C2CD5: variants seen among roughly 807,000 people sequenced by gnomAD.
The protein encoded by C2CD5 is C2 domain-containing protein 5.
In C2CD5, 109 loss-of-function variants were observed where a neutral mutation model predicts 130.3. The ratio of observed to expected loss-of-function variants is 0.84; its 90% CI spans 0.72 to 0.98. C2CD5 has a LOEUF of 0.98. C2CD5 is among the 50% of genes least tolerant of loss of function. The pLI is 0.00. For synonymous variants in C2CD5, 454 were observed against 429.2 expected, an observed-to-expected ratio of 1.06 and a Z score of -0.71; for missense variants, 996 against 1,261.8, an observed-to-expected ratio of 0.79 and a Z score of 3.19.
chr12:22,533,871 T>C (rs923783225), intron 3 of C2CD5, among the ~76,000 whole-genome samples: 3 of 152,210 alleles, frequency 2.0e-5, no homozygotes, highest in African/African-American at 7.2e-5. Flanking sequence ...AATTTCTACA[T>C]GCATGAATTT....
At chr12:22,506,877 G>C (rs1591898388) in intron 9 of C2CD5, 58 bp from the exon 10 acceptor site, 2 of 1,121,834 alleles carry the variant, frequency 1.8e-6, no homozygotes, top group Non-Finnish European at 2.7e-6. Flanking sequence ...TAAAAAATTT[G>C]CTTATTAAAA....
intron 9 of C2CD5, among the ~76,000 whole-genome samples, chr12:22,511,556 G>C (rs944868623): frequency 6.6e-6 from 1 of 152,142 alleles, no homozygotes; most frequent in Non-Finnish European, 1.5e-5. Context: ...GAAAACTATA[G>C]TTCTCTACAC....
rs752330329 is a variant in C2CD5, at chr12:22,518,098, T to C, written c.840A>G (p.Ser280=). 1 of 1,613,732 alleles carries C rather than the reference T, an allele frequency of 6.2e-7. No homozygotes were observed. Among genetic ancestry groups the C allele is most frequent in the Non-Finnish European group, 8.5e-7 (1 of 1,179,692 alleles). Residue 280 remains serine (S), a synonymous_variant, in exon 8 of 27, where the codon TCA becomes TCG. Transcript: ENST00000446597. Reference sequence around the variant, plus strand: ...TTTTCAGAGGGGTTGAGGGTCCTGATGAGTGAGTATTGGGATTGGGATCTT... The same window carrying C: ...TTTTCAGAGGGGTTGAGGGTCCTGACGAGTGAGTATTGGGATTGGGATCTT... ...FNEDPNPNTH[S]SGPSTPLKNQ...
At chr12:22,519,425 T>A (rs564242125) in intron 7 of C2CD5, among the ~76,000 whole-genome samples, 1 of 152,196 alleles carries the variant, frequency 6.6e-6, no homozygotes, top group East Asian at 1.9e-4. Flanking sequence ...GGATACATAG[T>A]TTTAAAGTAT....
At chr12:22,490,280 T>C in intron 11 of C2CD5, 62 bp from the exon 12 acceptor site, 2 of 1,090,772 alleles carry the variant, frequency 1.8e-6, no homozygotes, top group Non-Finnish European at 2.8e-6. Context: ...TGGGAAATGC[T>C]AAATATCAAA....
intron 22 of C2CD5, 124 bp downstream of exon 22, chr12:22,469,585 C>T: frequency 1.9e-6 from 1 of 518,734 alleles, no homozygotes; most frequent in Non-Finnish European, 3.4e-6. Context: ...TATGAAGAAA[C>T]ATATAATGAG....
intron 9 of C2CD5, among the ~76,000 whole-genome samples, chr12:22,507,511 T>A (rs1415732546): frequency 1.3e-5 from 2 of 152,188 alleles, no homozygotes; most frequent in Non-Finnish European, 2.9e-5. Context: ...CTTTATTCTA[T>A]CCTTCTCTCT....
At chr12:22,535,471 AAAGGG>A in intron 2 of C2CD5, 127 bp from the exon 3 acceptor site, 1 of 614,570 alleles carries the variant, frequency 1.6e-6, no homozygotes, top group East Asian at 2.9e-5. Context: ...CCTCTGGGAC[AAAGGG>A]AAGAAGGTAC....
rs776354756 is a variant in C2CD5 at position 22,506,812 on chromosome 12, G to A, written c.1046C>T (p.Pro349Leu). The A allele has an allele frequency of 1.3e-6, 2 of 1,590,016 alleles. No individual in the cohort carries two copies. Among genetic ancestry groups the A allele is most frequent in the Non-Finnish European group, 1.7e-6 (2 of 1,158,192 alleles). Residue 349 changes from proline to leucine, a missense_variant, in exon 10 of 27, where the codon CCA becomes CTA. This residue lies in a region of C2CD5 where 156 missense variants were observed against 165.9 expected (regional missense o/e 0.94). Transcript: ENST00000446597. The stretch of plus-strand genomic sequence containing the variant: ...AGGAAATGCCGTCAAGGTAAAAAAT[G>A]GAAATTCCTAGTGGAAAGAATAAGG... ...TQSALEQREF[P>L]FFTLTAFPPG...
In C2CD5 at chr12:22,506,700, TA is replaced by T. The variant is rs1206931407; in HGVS notation, c.1147+10del. ...AAATAAAGGAAACATTGAAACTTTT[TA>T]AGAACATACCAGGATTGTGGATACG... On this transcript the variant is annotated intron_variant, in intron 10 of 26. Transcript: ENST00000446597. 1 of 1,444,616 alleles carries T rather than the reference TA, an allele frequency of 6.9e-7. No homozygotes were observed. 89.5% of individuals were successfully genotyped at this position (1,444,616 alleles called of 1,614,324 possible).
chr12:22,452,857 A>C (rs1451586854), intron 26 of C2CD5, among the ~76,000 whole-genome samples: 1 of 152,194 alleles, frequency 6.6e-6, no homozygotes, highest in Non-Finnish European at 1.5e-5. Flanking sequence ...GCTTGAGCTC[A>C]GGAGTTCAAG....
At chr12:22,526,688 C>A (rs1950751281) in intron 4 of C2CD5, among the ~76,000 whole-genome samples, 1 of 152,070 alleles carries the variant, frequency 6.6e-6, no homozygotes, top group African/African-American at 2.4e-5. Flanking sequence ...CTGGGCAACA[C>A]AGCGAGAAAA....
intron 8 of C2CD5, among the ~76,000 whole-genome samples, chr12:22,516,681 C>A (rs1949753692): frequency 6.6e-6 from 1 of 150,992 alleles, no homozygotes; most frequent in Admixed American, 6.6e-5. Context: ...AAATAAAGGC[C>A]TGGAATATGC....
chr12:22,533,897 A>T (rs912979512), intron 3 of C2CD5, among the ~76,000 whole-genome samples: 1 of 152,230 alleles, frequency 6.6e-6, no homozygotes, highest in Non-Finnish European at 1.5e-5. Context: ...TACATGAATG[A>T]AGTTGGGGCC....
chr12:22,527,912 T>C lies in C2CD5; in HGVS notation c.178-20A>G. On this transcript the variant is annotated intron_variant, in intron 3 of 26. Transcript: ENST00000446597. ...ATCCACCTACAAGTATACCTTAAAATTAAAACTCATATAGTTTTTAAATCT... is the reference window on the plus strand; with the variant it reads ...ATCCACCTACAAGTATACCTTAAAACTAAAACTCATATAGTTTTTAAATCT... 6.5e-7 allele frequency: 1 copy of C among 1,535,506 alleles called. No individual in the cohort carries two copies. The highest frequency in any genetic ancestry group is 8.9e-7 in the Non-Finnish European group (1 of 1,126,356).
rs1949378028 is a variant in C2CD5 at position 22,513,206 on chromosome 12, G to A, written c.1038+88C>T. On this transcript the variant is annotated intron_variant, in intron 9 of 26. Coordinates refer to ENST00000446597, the MANE Select transcript of C2CD5 (RefSeq NM_001286176.2). ...ATATTATAGATATGTAACCAAAACA[G>A]TTCATGAAAACATGCAAGTACATGG... The A allele has an allele frequency of 4.2e-6, 4 of 963,374 alleles. No individual in the cohort carries two copies. In the East Asian group the frequency reaches 9.7e-5, roughly 23 times the overall value. 59.7% of individuals were successfully genotyped at this position (963,374 alleles called of 1,614,324 possible).
chr12:22,487,771 T>C (rs888631361), intron 12 of C2CD5, among the ~76,000 whole-genome samples: 4 of 152,068 alleles, frequency 2.6e-5, no homozygotes, highest in Non-Finnish European at 4.4e-5. Context: ...ATTGCGGCAC[T>C]ATTCACAATA....
Position 22,485,203 on chromosome 12 carries a change from T to TA in C2CD5, c.1359-316dup, listed in dbSNP as rs201778002. Among the ~76,000 whole-genome samples, 1,423 of 152,166 alleles carry TA rather than the reference T, an allele frequency of 9.4e-3. 30 individuals are homozygous for TA. Among genetic ancestry groups the TA allele is most frequent in the African/African-American group, 0.032 (1,348 of 41,536 alleles). The stretch of plus-strand genomic sequence containing the variant: ...TTTTTTCTCTGGGATACAACATTTT[T>TA]AAAAAATGGTTAGATGATAATGATG... On this transcript the variant is annotated intron_variant, in intron 12 of 26. Transcript: ENST00000446597.
At chr12:22,513,170 TC>T (rs1330295164) in intron 9 of C2CD5, 123 bp downstream of exon 9, 2 of 616,122 alleles carry the variant, frequency 3.2e-6, no homozygotes, top group African/African-American at 3.7e-5. Flanking sequence ...ATTTTGGACT[TC>T]AAAACTGCAA....
Sources: allele counts gnomAD v4.1 joint callset (sites outside exome capture counted in the v4.1 genomes callset), GRCh38; gene constraint gnomAD v4.1.1; regional missense constraint gnomAD v4.1.1; transcripts MANE v1.5; gene names NCBI Gene and HGNC (gene_info 2026-07-23, HGNC 2026-07-21).